The following CELSR1 variants were observed in gnomAD, a reference collection of about 807,000 sequenced individuals.
CELSR1 encodes the protein cadherin EGF LAG seven-pass G-type receptor 1.
CELSR1 carries 110 observed loss-of-function variants against 249.1 expected under a neutral mutation model. That is an observed-to-expected ratio of 0.44 (90% CI 0.38 to 0.52). CELSR1 has a LOEUF of 0.52. Among genes scored for constraint, CELSR1 ranks in the 20% least tolerant of loss-of-function variants. The pLI, the probability that CELSR1 is intolerant of heterozygous loss-of-function variation, is 0.00. For missense variants in CELSR1, 4,109 were observed against 4,296.4 expected (o/e 0.96, Z 1.22); for synonymous variants, 2,113 against 1,900.0 (o/e 1.11, Z -2.92).
In CELSR1 at chr22:46,422,493, G is replaced by A. The variant is rs535263906; in HGVS notation, c.4612-10734C>T. 8.2e-3 allele frequency among the ~76,000 whole-genome samples: 1,209 copies of A among 148,190 alleles called. 16 individuals are homozygous for A. Among genetic ancestry groups the A allele is most frequent in the African/African-American group, 0.029 (1,141 of 39,074 alleles). Reference sequence around the variant, plus strand: ...TCACACCTGTAATCGCAGCACTTTGGGAGGCCAAGGGGGGGCGGATCACGA... The same window carrying A: ...TCACACCTGTAATCGCAGCACTTTGAGAGGCCAAGGGGGGGCGGATCACGA... On this transcript the variant is annotated intron_variant, in intron 5 of 34. Transcript: ENST00000674500.
rs529458688 is a variant in CELSR1 at position 46,467,910 on chromosome 22, T to C, written c.3545-3565A>G. 8.5e-5 allele frequency among the ~76,000 whole-genome samples: 13 copies of C among 152,220 alleles called. No individual in the cohort carries two copies. In the South Asian group the frequency reaches 2.7e-3, roughly 32 times the overall value. On this transcript the variant is annotated intron_variant, in intron 1 of 34. Coordinates refer to ENST00000674500, the MANE Select transcript of CELSR1 (RefSeq NM_001378328.1). Reference sequence around the variant, plus strand: ...ATGGGGTGGCAGGGAGTGAACCACCTTTCTACTTTACTGCTCATTTTGTGT... The same window carrying C: ...ATGGGGTGGCAGGGAGTGAACCACCCTTCTACTTTACTGCTCATTTTGTGT...
At chr22:46,508,153 C>T (rs940517356) in intron 1 of CELSR1, among the ~76,000 whole-genome samples, 4 of 152,058 alleles carry the variant, frequency 2.6e-5, no homozygotes, top group African/African-American at 7.2e-5. Context: ...CCCTCCCCCA[C>T]GGCTCCTAGG....
At position 46,436,111 on chromosome 22, in the gene CELSR1, G is replaced by A. The variant is rs189764569; in HGVS notation, c.4522+63C>T. ...GGAGGCGCTGCACAGGGCGAGGGTC[G>A]TTTTAACCCACAAAGTATCTGTGAA... On this transcript the variant is annotated intron_variant, in intron 4 of 34. Coordinates refer to ENST00000674500, the MANE Select transcript of CELSR1 (RefSeq NM_001378328.1). The surrounding 1 kb of genome is among the most constrained non-coding windows in gnomAD (Gnocchi z 5.9). 208 of 1,377,078 alleles carry A rather than the reference G, an allele frequency of 1.5e-4. 1 individual carries two copies. The Admixed American group carries it at 1.6e-3, about 11-fold the overall frequency. The allele number at this position is 1,377,078 out of a possible 1,614,324, so 85.3% of individuals were successfully genotyped here. A position where few individuals can be genotyped will look rare whatever the true frequency, so the allele number is the denominator to read the frequency against.
intron 20 of CELSR1, among the ~76,000 whole-genome samples, chr22:46,383,815 A>G (rs1277644875): frequency 6.6e-6 from 1 of 152,228 alleles, no homozygotes; most frequent in African/African-American, 2.4e-5. Flanking sequence ...TACAGGCATG[A>G]GCCACTGCGC....
At chr22:46,479,895 T>C (rs1317062941) in intron 1 of CELSR1, among the ~76,000 whole-genome samples, 2 of 152,148 alleles carry the variant, frequency 1.3e-5, no homozygotes, top group Admixed American at 6.5e-5. Context: ...CTAGCCCAAG[T>C]TGCTTCCTTT....
In CELSR1 at chr22:46,408,910, G is replaced by A. The variant is rs759009774; in HGVS notation, c.5226+86C>T. The stretch of plus-strand genomic sequence containing the variant: ...GAGGAAGGGCGAGTAGCAGGTGCCC[G>A]AGTGTGCACCAGGAAGCCCAGCGCC... On this transcript the variant is annotated intron_variant, in intron 9 of 34. Coordinates refer to ENST00000674500, the MANE Select transcript of CELSR1 (RefSeq NM_001378328.1). This position sits in a 1 kb window ranked among gnomAD's most constrained non-coding sequence, Gnocchi z 4.6. 141 of 1,129,498 alleles carry A rather than the reference G, an allele frequency of 1.2e-4. 1 individual carries two copies. Among genetic ancestry groups the A allele is most frequent in the Admixed American group, 2.3e-4 (8 of 34,308 alleles). 70.0% of individuals were successfully genotyped at this position (1,129,498 alleles called of 1,614,324 possible). A position where few individuals can be genotyped will look rare whatever the true frequency, so the allele number is the denominator to read the frequency against.
Position 46,527,369 on chromosome 22 carries a change from G to A in CELSR1, c.3544+6258C>T, listed in dbSNP as rs895861595. 3.9e-5 allele frequency among the ~76,000 whole-genome samples: 6 copies of A among 152,064 alleles called. No individual in the cohort carries two copies. The highest frequency in any genetic ancestry group is 6.6e-5 in the Admixed American group (1 of 15,264). On this transcript the variant is annotated intron_variant, in intron 1 of 34. Transcript: ENST00000674500. This position sits in a 1 kb window ranked among gnomAD's most constrained non-coding sequence, Gnocchi z 5.5. Reference sequence around the variant, plus strand: ...ACCCAGCTCTTGCCTAAATCCTCCCGAGGGGGCCCACCAAACCCTCCACAG... The same window carrying A: ...ACCCAGCTCTTGCCTAAATCCTCCCAAGGGGGCCCACCAAACCCTCCACAG...
intron 1 of CELSR1, among the ~76,000 whole-genome samples, chr22:46,469,991 G>GGAGGGAGGAGGAGGA (rs1569186663): frequency 8.6e-6 from 1 of 115,770 alleles, no homozygotes; most frequent in Non-Finnish European, 1.9e-5. Flanking sequence ...AGGAGGGGAG[G>GGAGGGAGGAGGAGGA]GAGGGAGGGA....
intron 1 of CELSR1, among the ~76,000 whole-genome samples, chr22:46,491,032 C>T (rs2080362220): frequency 6.6e-6 from 1 of 151,966 alleles, no homozygotes; most frequent in African/African-American, 2.4e-5. Flanking sequence ...AAATGGAGGG[C>T]CCCCCAACAT....
intron 1 of CELSR1, among the ~76,000 whole-genome samples, chr22:46,477,951 C>A (rs2080226924): frequency 6.6e-6 from 1 of 152,166 alleles, no homozygotes; most frequent in African/African-American, 2.4e-5. Flanking sequence ...CTGGGCAGCA[C>A]CCCTGGCCTC....
At chr22:46,508,053 T>C (rs899218578) in intron 1 of CELSR1, among the ~76,000 whole-genome samples, 2 of 152,166 alleles carry the variant, frequency 1.3e-5, no homozygotes, top group Non-Finnish European at 2.9e-5. Flanking sequence ...TCATCATCAC[T>C]GCCCAGCTCT....
Position 46,417,575 on chromosome 22 carries a change from G to A in CELSR1, c.4612-5816C>T, listed in dbSNP as rs541764521. Among the ~76,000 whole-genome samples, 5 of 152,314 alleles carry A rather than the reference G, an allele frequency of 3.3e-5. No individual in the cohort carries two copies. Among genetic ancestry groups the A allele is most frequent in the African/African-American group, 7.2e-5 (3 of 41,574 alleles). On this transcript the variant is annotated intron_variant, in intron 5 of 34. Transcript: ENST00000674500. The surrounding 1 kb of genome is among the most constrained non-coding windows in gnomAD (Gnocchi z 4.1). Reference sequence around the variant, plus strand: ...AGCCCAACTGAGCCACTGGGCCACCGGGTGGGGAGGGCAGCTCCACACTAT... The same window carrying A: ...AGCCCAACTGAGCCACTGGGCCACCAGGTGGGGAGGGCAGCTCCACACTAT...
rs920311999 is a variant in CELSR1, at chr22:46,417,110, C to T, written c.4612-5351G>A. On this transcript the variant is annotated intron_variant, in intron 5 of 34. Transcript: ENST00000674500. This position sits in a 1 kb window ranked among gnomAD's most constrained non-coding sequence, Gnocchi z 4.1. ...ATGTCTGTACAGAGTCAAACTGCAGCGCTGAACGTTCCATGCTGTCATTTC... is the reference window on the plus strand; with the variant it reads ...ATGTCTGTACAGAGTCAAACTGCAGTGCTGAACGTTCCATGCTGTCATTTC... Among the ~76,000 whole-genome samples the T allele has an allele frequency of 3.3e-5, 5 of 152,198 alleles. No individual in the cohort carries two copies. The highest frequency in any genetic ancestry group is 4.8e-5 in the African/African-American group (2 of 41,424).
chr22:46,431,715 C>T (rs2079597848), intron 5 of CELSR1, among the ~76,000 whole-genome samples: 1 of 152,214 alleles, frequency 6.6e-6, no homozygotes, highest in South Asian at 2.1e-4. Flanking sequence ...GGTGAACGCG[C>T]TTCACACTGG....
rs990107504 is a variant in CELSR1 at position 46,386,350 on chromosome 22, G to A, written c.6739+52C>T. 38 of 1,453,922 alleles carry A rather than the reference G, an allele frequency of 2.6e-5. No homozygotes were observed. The African/African-American group carries it at 3.3e-4, about 13-fold the overall frequency. 90.1% of individuals were successfully genotyped at this position (1,453,922 alleles called of 1,614,324 possible). On this transcript the variant is annotated intron_variant, in intron 19 of 34. Transcript: ENST00000674500. Reference sequence around the variant, plus strand: ...CACCCCATGGGGGCCTAGCTCTGGGGCACACCCCTGATGGTAGCAGGGTTC... The same window carrying A: ...CACCCCATGGGGGCCTAGCTCTGGGACACACCCCTGATGGTAGCAGGGTTC...
Position 46,490,287 on chromosome 22 carries a change from T to G in CELSR1, c.3545-25942A>C, listed in dbSNP as rs1417815249. ...ACCTGGAGAGGTTTTATTTTTATTT[T>G]GTTTTATTTTTATTTTTGAGACAGA... On this transcript the variant is annotated intron_variant, in intron 1 of 34. Transcript: ENST00000674500. The surrounding 1 kb of genome is among the most constrained non-coding windows in gnomAD (Gnocchi z 5.2). 6.6e-6 allele frequency among the ~76,000 whole-genome samples: 1 copy of G among 152,006 alleles called. No homozygotes were observed. Among genetic ancestry groups the G allele is most frequent in the African/African-American group, 2.4e-5 (1 of 41,394 alleles).
At chr22:46,388,807 G>A (rs953685223) in intron 18 of CELSR1, among the ~76,000 whole-genome samples, 2 of 152,250 alleles carry the variant, frequency 1.3e-5, no homozygotes, top group African/African-American at 4.8e-5. Flanking sequence ...AGGCGGAGGT[G>A]TGGCCCTCTG....
At chr22:46,494,724 C>G (rs906507134) in intron 1 of CELSR1, among the ~76,000 whole-genome samples, 1 of 152,110 alleles carries the variant, frequency 6.6e-6, no homozygotes, top group African/African-American at 2.4e-5. Context: ...GCAGGCTGGT[C>G]TCGAACTACT....
At chr22:46,481,189 CGTGCCACTGCACTCCAG>C (rs1051920837) in intron 1 of CELSR1, 3 of 235,154 alleles carry the variant, frequency 1.3e-5, no homozygotes, top group African/African-American at 6.9e-5. Context: ...GAGCTGAGAT[CGTGCCACTGCACTCCAG>C]CCTTCCAGCC....
Sources: gnomAD v4.1 joint callset for allele counts (sites outside exome capture counted in the v4.1 genomes callset) on GRCh38, gnomAD v4.1.1 for gene constraint, Gnocchi (gnomAD v3.1) non-coding constraint, MANE v1.5 for transcripts, NCBI Gene and HGNC (gene_info 2026-07-23, HGNC 2026-07-21) for gene names.